PLEKHM3: variants seen among roughly 807,000 people sequenced by gnomAD.
PLEKHM3 encodes the protein pleckstrin homology domain-containing family M member 3.
PLEKHM3 carries 45 observed loss-of-function variants against 81.8 expected under a neutral mutation model. The ratio of observed to expected loss-of-function variants is 0.55; its 90% CI spans 0.43 to 0.71. The LOEUF is 0.71. Among genes scored for constraint, PLEKHM3 ranks in the 30% least tolerant of loss-of-function variants. PLEKHM3 has a pLI of 0.00. For synonymous variants in PLEKHM3, 352 were observed against 356.4 expected (o/e 0.99, Z 0.14); for missense variants, 788 against 924.3 (o/e 0.85, Z 1.91).
intron 6 of PLEKHM3, among the ~76,000 whole-genome samples, chr2:207,874,056 T>C (rs1252864494): frequency 6.6e-6 from 1 of 152,192 alleles, no homozygotes; most frequent in African/African-American, 2.4e-5. Flanking sequence ...TTCAATACAG[T>C]AGTGATTACA....
rs77632948 is a variant in PLEKHM3, at chr2:207,871,084, T to C, written c.1951-9822A>G. On this transcript the variant is annotated intron_variant, in intron 6 of 7. Coordinates refer to ENST00000427836, the MANE Select transcript of PLEKHM3 (RefSeq NM_001080475.3). ...GAGCTATGATTGGGCCACTGTGCTC[T>C]AGCCTGGGTGACAGGGCGAGACCCC... is the stretch of plus-strand genomic sequence containing the variant. Among the ~76,000 whole-genome samples, 382 of 152,278 alleles carry C rather than the reference T, an allele frequency of 2.5e-3. 1 individual carries two copies. Among genetic ancestry groups the C allele is most frequent in the Non-Finnish European group, 4.4e-3 (298 of 68,020 alleles).
chr2:207,891,742 CA>C (rs1018746480), intron 6 of PLEKHM3, among the ~76,000 whole-genome samples: 2 of 152,146 alleles, frequency 1.3e-5, no homozygotes, highest in African/African-American at 4.8e-5. Context: ...TTACCCTCAC[CA>C]CCTCTTCCTA....
In PLEKHM3 at chr2:207,948,019, T is replaced by G. The variant is rs140912118; in HGVS notation, c.1547-1507A>C. ...AAGAAGATAAGTAAATATATTAGTA[T>G]TAGGCTTCCAGAGCTTGATCCAGTT... On this transcript the variant is annotated intron_variant, in intron 3 of 7. Coordinates refer to ENST00000427836, the MANE Select transcript of PLEKHM3 (RefSeq NM_001080475.3). Among the ~76,000 whole-genome samples, 120 of 152,302 alleles carry G rather than the reference T, an allele frequency of 7.9e-4. 1 individual carries two copies. The East Asian group carries it at 0.019, about 24-fold the overall frequency.
Position 207,908,504 on chromosome 2 carries a change from G to A in PLEKHM3, c.1950+10C>T, listed in dbSNP as rs770353061. On this transcript the variant is annotated intron_variant, in intron 6 of 7. Transcript: ENST00000427836. ...GCAACAAAAATGAAACAGCCCCTCTGAGCACTTACCTGCTGCAGGTCGGCA... is the reference window on the plus strand; with the variant it reads ...GCAACAAAAATGAAACAGCCCCTCTAAGCACTTACCTGCTGCAGGTCGGCA... The A allele has an allele frequency of 8.7e-6, 14 of 1,608,896 alleles. No individual in the cohort carries two copies. Among genetic ancestry groups the A allele is most frequent in the South Asian group, 1.1e-5 (1 of 90,378 alleles).
chr2:207,898,362 C>T, intron 6 of PLEKHM3, among the ~76,000 whole-genome samples: 1 of 152,308 alleles, frequency 6.6e-6, no homozygotes, highest in Middle Eastern at 3.4e-3. Context: ...CAACCTGTCT[C>T]CCCTTGGGCC....
At chr2:207,875,091 CAATT>C (rs1164088295) in intron 6 of PLEKHM3, among the ~76,000 whole-genome samples, 1 of 151,362 alleles carries the variant, frequency 6.6e-6, no homozygotes, top group Non-Finnish European at 1.5e-5. Context: ...ATAAAGTAAA[CAATT>C]AGTTCAATAT....
chr2:207,861,719 A>G (rs1366541060), intron 6 of PLEKHM3, among the ~76,000 whole-genome samples: 1 of 152,126 alleles, frequency 6.6e-6, no homozygotes, highest in Non-Finnish European at 1.5e-5. Context: ...CTTCCCCAAG[A>G]ACATAGAGTA....
Position 207,825,110 on chromosome 2 carries a change from A to G in PLEKHM3, c.*3209T>C, listed in dbSNP as rs1354262025. ...TAAAGAGGCTTTTAACTTTGGAAAA[A>G]GCGGGCCTGGAAAGAACACTACCCC... On this transcript the variant is annotated 3_prime_UTR_variant, in exon 8 of 8. Coordinates refer to ENST00000427836, the MANE Select transcript of PLEKHM3 (RefSeq NM_001080475.3). The G allele has an allele frequency of 6.6e-6, 1 of 152,172 alleles. No individual in the cohort carries two copies. Among genetic ancestry groups the G allele is most frequent in the East Asian group, 1.9e-4 (1 of 5,194 alleles). The allele number at this position is 152,172 out of a possible 1,614,324, so 9.4% of individuals were successfully genotyped here.
At chr2:207,836,336 A>T (rs2092319375) in intron 7 of PLEKHM3, among the ~76,000 whole-genome samples, 1 of 135,566 alleles carries the variant, frequency 7.4e-6, no homozygotes, top group Admixed American at 7.5e-5. Context: ...AAAAAAAAAA[A>T]GCACCATGGA....
rs1324270341 is a variant in PLEKHM3, at chr2:207,962,271, A to T, written c.1546+14380T>A. ...TGCATGGCCAATGATTCAATCCATC[A>T]TACCTACATAATGAAGCCCCAGTAA... On this transcript the variant is annotated intron_variant, in intron 3 of 7. Coordinates refer to ENST00000427836, the MANE Select transcript of PLEKHM3 (RefSeq NM_001080475.3). 4.6e-5 allele frequency among the ~76,000 whole-genome samples: 7 copies of T among 152,300 alleles called. No individual in the cohort carries two copies. The East Asian group carries it at 1.4e-3, about 29-fold the overall frequency.
Position 208,016,626 on chromosome 2 carries a change from G to A in PLEKHM3, c.-319+8763C>T, listed in dbSNP as rs1433720906. ...GACCGAGCCACTGTACTCCAACCTG[G>A]GTGACAGAGTGAGACTTTGTCTCAA... On this transcript the variant is annotated intron_variant, in intron 1 of 7. Transcript: ENST00000427836. Among the ~76,000 whole-genome samples, 4 of 139,506 alleles carry A rather than the reference G, an allele frequency of 2.9e-5. No homozygotes were observed. In the South Asian group the frequency reaches 9.0e-4, roughly 32 times the overall value. The allele number at this position is 139,506 out of a possible 152,430, so 91.5% of individuals were successfully genotyped here.
intron 7 of PLEKHM3, among the ~76,000 whole-genome samples, chr2:207,848,869 T>C (rs2092397985): frequency 6.6e-6 from 1 of 152,176 alleles, no homozygotes; most frequent in Non-Finnish European, 1.5e-5. Flanking sequence ...ATGAAAGCAA[T>C]GGGGCTTGGA....
In PLEKHM3 at chr2:208,015,555, C is replaced by T. The variant is rs922500286; in HGVS notation, c.-319+9834G>A. Reference sequence around the variant, plus strand: ...GAATGGTAGAAGACAGGTTCCTGAACAAACACAGTAAAAAGTTGTTCTCTA... The same window carrying T: ...GAATGGTAGAAGACAGGTTCCTGAATAAACACAGTAAAAAGTTGTTCTCTA... On this transcript the variant is annotated intron_variant, in intron 1 of 7. Transcript: ENST00000427836. 3.3e-5 allele frequency among the ~76,000 whole-genome samples: 5 copies of T among 152,122 alleles called. No homozygotes were observed. The South Asian group carries it at 1.0e-3, about 31-fold the overall frequency.
intron 1 of PLEKHM3, among the ~76,000 whole-genome samples, chr2:208,002,645 T>C (rs1372441458): frequency 6.6e-6 from 1 of 152,100 alleles, no homozygotes; most frequent in Non-Finnish European, 1.5e-5. Flanking sequence ...CTTGAGTTCA[T>C]CCTTTTCTGT....
At chr2:207,867,391 T>C (rs1240024955) in intron 6 of PLEKHM3, among the ~76,000 whole-genome samples, 1 of 152,196 alleles carries the variant, frequency 6.6e-6, no homozygotes, top group African/African-American at 2.4e-5. Context: ...AGTATGAAGT[T>C]TATTTTAGAA....
intron 6 of PLEKHM3, among the ~76,000 whole-genome samples, chr2:207,902,334 C>T (rs1369405945): frequency 6.6e-6 from 1 of 152,190 alleles, no homozygotes; most frequent in East Asian, 1.9e-4. Context: ...TGCAAAATAA[C>T]TCACATCACT....
chr2:207,864,142 G>C (rs1327151522), intron 6 of PLEKHM3, among the ~76,000 whole-genome samples: 2 of 152,022 alleles, frequency 1.3e-5, no homozygotes, highest in East Asian at 1.9e-4. Flanking sequence ...CTTAGTAAAG[G>C]GGGTAGAAAT....
At chr2:207,858,574 G>A (rs760887936) in intron 7 of PLEKHM3, among the ~76,000 whole-genome samples, 13 of 151,576 alleles carry the variant, frequency 8.6e-5, no homozygotes, top group African/African-American at 1.5e-4. Context: ...CTTGGCTTCC[G>A]GGTTCAAGCG....
chr2:207,877,973 T>A (rs1042213861), intron 6 of PLEKHM3, among the ~76,000 whole-genome samples: 1 of 152,194 alleles, frequency 6.6e-6, no homozygotes, highest in African/African-American at 2.4e-5. Flanking sequence ...ACTCCCTCTG[T>A]CATCCAGGCT....
Sources: allele counts gnomAD v4.1 joint callset (sites outside exome capture counted in the v4.1 genomes callset), GRCh38; gene constraint gnomAD v4.1.1; transcripts MANE v1.5; gene names NCBI Gene and HGNC (gene_info 2026-07-23, HGNC 2026-07-21).